Variants in NEK1 observed in about 807,000 individuals in gnomAD.
The protein encoded by NEK1 is NIMA related kinase 1, also known as serine/threonine-protein kinase Nek1.
NEK1 carries 137 observed loss-of-function variants against 182.1 expected under a neutral mutation model. The observed-to-expected ratio is 0.75, with a 90% CI of 0.65 to 0.87. NEK1 has a LOEUF of 0.87. Ranked by LOEUF, NEK1 falls within the 40% of genes least tolerant of loss-of-function variation. The probability of loss-of-function intolerance (pLI) is 0.00; values close to 1 mark genes in which losing one functional copy is unlikely to be tolerated. For synonymous variants in NEK1, 513 were observed against 492.2 expected (o/e 1.04, Z -0.56); for missense variants, 1,391 against 1,494.4 (o/e 0.93, Z 1.14).
chr4:169,419,299 A>C (rs908075965), intron 31 of NEK1, among the ~76,000 whole-genome samples: 2 of 152,152 alleles, frequency 1.3e-5, no homozygotes, highest in Non-Finnish European at 2.9e-5. Context: ...ACTCAAAATG[A>C]AGGTGAAATG....
At chr4:169,423,465 G>A (rs922935507) in intron 31 of NEK1, among the ~76,000 whole-genome samples, 1 of 151,926 alleles carries the variant, frequency 6.6e-6, no homozygotes, top group African/African-American at 2.4e-5. Context: ...TCTTTTACAG[G>A]CTAAAATAAA....
chr4:169,398,858 A>T (rs1366554433), intron 35 of NEK1, among the ~76,000 whole-genome samples: 1 of 152,240 alleles, frequency 6.6e-6, no homozygotes, highest in Non-Finnish European at 1.5e-5. Context: ...CCTCAATTTT[A>T]GTCTATGAAT....
Position 169,493,205 on chromosome 4 carries a change from T to G in NEK1, c.2008-13671A>C, listed in dbSNP as rs576661363. 3.9e-5 allele frequency among the ~76,000 whole-genome samples: 6 copies of G among 152,264 alleles called. No individual in the cohort carries two copies. The South Asian group carries it at 6.2e-4, about 16-fold the overall frequency. On this transcript the variant is annotated intron_variant, in intron 23 of 35. Coordinates refer to ENST00000507142, the MANE Select transcript of NEK1 (RefSeq NM_001199397.3). ...GCAACCAAAAAACCCATATGGAGCTTTGGCCCCCTAAAAGCACCCAGAAAA... is the reference window on the plus strand; with the variant it reads ...GCAACCAAAAAACCCATATGGAGCTGTGGCCCCCTAAAAGCACCCAGAAAA...
intron 27 of NEK1, among the ~76,000 whole-genome samples, chr4:169,462,393 C>G (rs778743457): frequency 3.3e-5 from 5 of 152,018 alleles, no homozygotes; most frequent in Non-Finnish European, 5.9e-5. Context: ...TTGCAGATGA[C>G]TGTATTTCTC....
chr4:169,428,100 G>A (rs1264072086), intron 29 of NEK1, among the ~76,000 whole-genome samples: 2 of 151,744 alleles, frequency 1.3e-5, no homozygotes, highest in Non-Finnish European at 2.9e-5. Context: ...GGGATTACAG[G>A]CATGAGCCAC....
rs370821168 is a variant in NEK1 at position 169,463,429 on chromosome 4, A to G, written c.2435-34T>C. 217 of 1,522,756 alleles carry G rather than the reference A, an allele frequency of 1.4e-4. 1 individual carries two copies. In the African/African-American group the frequency reaches 2.5e-3, roughly 18 times the overall value. The allele number at this position is 1,522,756 out of a possible 1,614,324, so 94.3% of individuals were successfully genotyped here. ...AAAATATACAAAGAAACAATTTTCA[A>G]TAACAGTATAATAATACTGCATGGT... On this transcript the variant is annotated intron_variant, in intron 26 of 35. Transcript: ENST00000507142.
chr4:169,511,675 G>A (rs28703145), intron 19 of NEK1, among the ~76,000 whole-genome samples: 13,598 of 151,250 alleles, frequency 0.09, 812 homozygotes, highest in African/African-American at 0.17. Context: ...TATTTGTGCC[G>A]TGCATCTACA....
intron 7 of NEK1, among the ~76,000 whole-genome samples, chr4:169,589,012 T>C (rs1445354693): frequency 6.6e-6 from 1 of 152,122 alleles, no homozygotes; most frequent in South Asian, 2.1e-4. Flanking sequence ...CACTCACCAC[T>C]CACTCACTCA....
chr4:169,399,250 C>T (rs919652749), intron 35 of NEK1, among the ~76,000 whole-genome samples: 2 of 150,436 alleles, frequency 1.3e-5, no homozygotes, highest in African/African-American at 4.9e-5. Flanking sequence ...ATCTCACACA[C>T]ACAAAAAACG....
chr4:169,484,594 C>T (rs1748714481), intron 23 of NEK1, among the ~76,000 whole-genome samples: 2 of 152,024 alleles, frequency 1.3e-5, no homozygotes, highest in Non-Finnish European at 2.9e-5. Context: ...AAGTACTAAA[C>T]GATCTGGGGA....
At chr4:169,443,182 G>A (rs2149441339) in intron 27 of NEK1, among the ~76,000 whole-genome samples, 2 of 151,942 alleles carry the variant, frequency 1.3e-5, no homozygotes, top group Middle Eastern at 6.8e-3. Flanking sequence ...CAAGCATGGT[G>A]TCAAAAGCCT....
chr4:169,441,089 C>T (rs1454381390), intron 27 of NEK1, among the ~76,000 whole-genome samples: 1 of 152,200 alleles, frequency 6.6e-6, no homozygotes, highest in African/African-American at 2.4e-5. Context: ...AGCCCACATA[C>T]AGTCCTACAC....
intron 19 of NEK1, among the ~76,000 whole-genome samples, chr4:169,509,495 G>C (rs1187787725): frequency 6.6e-6 from 1 of 151,634 alleles, no homozygotes; most frequent in Non-Finnish European, 1.5e-5. Context: ...TCTTTTTATT[G>C]GCTTATTGAA....
chr4:169,463,471 C>A (rs2149502061), intron 26 of NEK1, 76 bp from the exon 27 acceptor site: 1 of 1,080,356 alleles, frequency 9.3e-7, no homozygotes, highest in South Asian at 2.4e-5. Flanking sequence ...GATTTTGAGT[C>A]TTTTATCCAA....
At chr4:169,445,863 T>TATATATATATATATATATATATATAC (rs1554034324) in intron 27 of NEK1, among the ~76,000 whole-genome samples, 18 of 130,830 alleles carry the variant, frequency 1.4e-4, no homozygotes, top group African/African-American at 4.7e-4. Context: ...TATATATATA[T>TATATATATATATATATATATATATAC]ATACACACAC....
intron 27 of NEK1, among the ~76,000 whole-genome samples, chr4:169,438,935 T>C (rs574509494): frequency 6.6e-6 from 1 of 152,322 alleles, no homozygotes; most frequent in African/African-American, 2.4e-5. Flanking sequence ...ATAGCCTCTT[T>C]AAATTTCCAG....
Position 169,508,337 on chromosome 4 carries a change from A to G in NEK1, c.1750-6T>C, listed in dbSNP as rs187716707. On this transcript the variant is annotated splice_region_variant and splice_polypyrimidine_tract_variant and intron_variant, in intron 20 of 35. Coordinates refer to ENST00000507142, the MANE Select transcript of NEK1 (RefSeq NM_001199397.3). ...CTCAGTCTTGCCAGATAAACCTACA[A>G]GGAGGCAAAAACCCCAACATAATAA... The G allele has an allele frequency of 9.8e-5, 152 of 1,558,540 alleles. 1 individual carries two copies. The highest frequency in any genetic ancestry group is 1.3e-4 in the Non-Finnish European group (145 of 1,152,100).
intron 12 of NEK1, among the ~76,000 whole-genome samples, chr4:169,574,211 T>G (rs575934383): frequency 6.6e-6 from 1 of 152,148 alleles, no homozygotes; most frequent in South Asian, 2.1e-4. Context: ...CCATGTTCTA[T>G]AGGAAGTATC....
At chr4:169,492,854 C>T (rs992754261) in intron 23 of NEK1, among the ~76,000 whole-genome samples, 9 of 152,276 alleles carry the variant, frequency 5.9e-5, no homozygotes, top group Admixed American at 5.2e-4. Context: ...GTCAAAGCCA[C>T]CAATGGGAAA....
Sources: gnomAD v4.1 joint callset for allele counts (sites outside exome capture counted in the v4.1 genomes callset) on GRCh38, gnomAD v4.1.1 for gene constraint, MANE v1.5 for transcripts, NCBI Gene and HGNC (gene_info 2026-07-23, HGNC 2026-07-21) for gene names.